The following CHD1 variants were observed in gnomAD, a reference collection of about 807,000 sequenced individuals.
The protein encoded by CHD1 is ATP-dependent chromatin remodeler CHD1.
In CHD1, 36 loss-of-function variants were observed where a neutral mutation model predicts 224.2. That is an observed-to-expected ratio of 0.16 (90% CI 0.12 to 0.21). The LOEUF is 0.21. Among genes scored for constraint, CHD1 ranks in the 10% least tolerant of loss-of-function variants. The pLI is 1.00. For synonymous variants in CHD1, 668 were observed against 658.3 expected (o/e 1.01, Z -0.23); for missense variants, 1,378 against 1,994.8 (o/e 0.69, Z 5.89).
At position 98,870,816 on chromosome 5, in the gene CHD1, T is replaced by A; in HGVS notation, c.3862-13A>T. ...CATCTGGAAGAATCTGAAAAAGCAA[T>A]AAATTTTTTCAGATTGTCTTAATAA... On this transcript the variant is annotated splice_polypyrimidine_tract_variant and intron_variant, in intron 28 of 35. Coordinates refer to ENST00000614616, the MANE Select transcript of CHD1 (RefSeq NM_001270.4). The A allele has an allele frequency of 1.3e-6, 2 of 1,558,370 alleles. No individual in the cohort carries two copies. Among genetic ancestry groups the A allele is most frequent in the Non-Finnish European group, 1.8e-6 (2 of 1,134,492 alleles).
At chr5:98,871,263 C>T (rs1252802359) in intron 28 of CHD1, among the ~76,000 whole-genome samples, 1 of 146,782 alleles carries the variant, frequency 6.8e-6, no homozygotes, top group Non-Finnish European at 1.5e-5. Context: ...ATCTAGACTA[C>T]TTAATTTTTT....
chr5:98,901,780 A>G (rs2112529370), intron 5 of CHD1, among the ~76,000 whole-genome samples: 1 of 151,862 alleles, frequency 6.6e-6, no homozygotes, highest in African/African-American at 2.4e-5. Flanking sequence ...CAGTAGTACC[A>G]TCTCAAATAT....
At chr5:98,917,300 A>C (rs10700482) in intron 2 of CHD1, among the ~76,000 whole-genome samples, 33 of 36,222 alleles carry the variant, frequency 9.1e-4, no homozygotes, top group African/African-American at 3.2e-3. Context: ...ACAAAGAAAC[A>C]AAAAAAAAAA....
At chr5:98,923,323 T>A (rs1753228250) in intron 2 of CHD1, among the ~76,000 whole-genome samples, 1 of 152,142 alleles carries the variant, frequency 6.6e-6, no homozygotes, top group Non-Finnish European at 1.5e-5. Flanking sequence ...ATAGCAGAAT[T>A]AACAACTCCG....
intron 10 of CHD1, 83 bp from the exon 11 acceptor site, chr5:98,897,403 A>T (rs1751414160): frequency 2.0e-6 from 2 of 980,854 alleles, no homozygotes; most frequent in Non-Finnish European, 3.0e-6. Context: ...GCTTTACCAT[A>T]AATTCTTAAA....
intron 21 of CHD1, 26 bp downstream of exon 21, chr5:98,881,250 GCCT>G: frequency 1.9e-6 from 2 of 1,056,730 alleles, no homozygotes; most frequent in Non-Finnish European, 2.7e-6. Context: ...TCTGAGGCAG[GCCT>G]TTTTTTTTTT....
intron 2 of CHD1, among the ~76,000 whole-genome samples, chr5:98,907,218 G>C (rs1198114422): frequency 2.6e-5 from 4 of 152,218 alleles, no homozygotes; most frequent in African/African-American, 9.6e-5. Context: ...TTTATTGTTA[G>C]AATGTCTTTA....
chr5:98,885,032 T>C (rs992711648), intron 18 of CHD1, among the ~76,000 whole-genome samples: 2 of 152,080 alleles, frequency 1.3e-5, no homozygotes, highest in African/African-American at 2.4e-5. Flanking sequence ...GTGCCCAATC[T>C]GGCTAATTTA....
At position 98,908,336 on chromosome 5, in the gene CHD1, A is replaced by C. The variant is rs535928716; in HGVS notation, c.54-3238T>G. 7.9e-5 allele frequency among the ~76,000 whole-genome samples: 12 copies of C among 152,258 alleles called. No individual in the cohort carries two copies. In the East Asian group the frequency reaches 2.3e-3, roughly 29 times the overall value. On this transcript the variant is annotated intron_variant, in intron 2 of 35. Transcript: ENST00000614616. ...CCAACTCTATCCCAACCCAACGTTAAATCAGGTTTACTTCCACAGCACTCC... is the reference window on the plus strand; with the variant it reads ...CCAACTCTATCCCAACCCAACGTTACATCAGGTTTACTTCCACAGCACTCC...
chr5:98,905,165 C>T, intron 2 of CHD1, 67 bp from the exon 3 acceptor site: 1 of 1,579,300 alleles, frequency 6.3e-7, no homozygotes, highest in Non-Finnish European at 8.6e-7. Flanking sequence ...TAGACGTCAG[C>T]AGAAAGCCCC....
intron 31 of CHD1, among the ~76,000 whole-genome samples, chr5:98,866,643 T>C (rs961040932): frequency 2.0e-5 from 3 of 152,080 alleles, no homozygotes; most frequent in Non-Finnish European, 2.9e-5. Flanking sequence ...CTGCTCCAAC[T>C]AGTATAAAAG....
chr5:98,860,331 C>T, intron 32 of CHD1: 1 of 378,754 alleles, frequency 2.6e-6, no homozygotes, highest in South Asian at 2.3e-5. Context: ...GCAGTACAAT[C>T]CTAATTTGAA....
rs558672928 is a variant in CHD1 at position 98,884,252 on chromosome 5, T to C, written c.2569-1015A>G. On this transcript the variant is annotated intron_variant, in intron 18 of 35. Transcript: ENST00000614616. The stretch of plus-strand genomic sequence containing the variant: ...CTACGCCCAGCTAATTTTTTTGTAT[T>C]TTTAGTAGAGATGGGGTTTCACTGT... 2.6e-4 allele frequency among the ~76,000 whole-genome samples: 40 copies of C among 151,818 alleles called. 1 individual carries two copies. Among genetic ancestry groups the C allele is most frequent in the Non-Finnish European group, 1.0e-4 (7 of 67,960 alleles).
chr5:98,887,565 T>C (rs1750732326), intron 17 of CHD1, among the ~76,000 whole-genome samples: 1 of 152,182 alleles, frequency 6.6e-6, no homozygotes, highest in Admixed American at 6.5e-5. Context: ...ATATTAGCTT[T>C]AGTTATATTG....
chr5:98,887,928 C>T (rs1408542226), intron 17 of CHD1, among the ~76,000 whole-genome samples, 160 bp downstream of exon 17: 1 of 151,628 alleles, frequency 6.6e-6, no homozygotes, highest in South Asian at 2.1e-4. Context: ...CAAGAAAAAC[C>T]GGGAATGACA....
rs981352210 is a variant in CHD1 at position 98,872,441 on chromosome 5, G to A, written c.3686C>T (p.Pro1229Leu). The change falls in exon 27 of 36, where the codon CCT becomes CTT. Residue 1229 changes from proline to leucine, a missense_variant. Around this residue, in one of 16 missense-constraint regions of CHD1, gnomAD observed 286 missense variants for 445.1 expected, o/e 0.64. Transcript: ENST00000614616. ...EELIPLHKSIPSDPEERKQYT... is the reference protein window; with the variant it reads ...EELIPLHKSILSDPEERKQYT... ...CTGCTTTCTTTCTTCTGGATCAGAA[G>A]GAATGGATTTGTGCAAAGGTATTAA... is the stretch of plus-strand genomic sequence containing the variant. 6.2e-7 allele frequency: 1 copy of A among 1,612,216 alleles called. No homozygotes were observed. The highest frequency in any genetic ancestry group is 1.3e-5 in the African/African-American group (1 of 74,772).
At chr5:98,874,716 G>GAA (rs796803169) in intron 25 of CHD1, among the ~76,000 whole-genome samples, 1 of 124,974 alleles carries the variant, frequency 8.0e-6, no homozygotes, top group Non-Finnish European at 1.7e-5. Context: ...CATTTAAAAA[G>GAA]AAAAAAAAAA....
Position 98,868,628 on chromosome 5 carries a change from T to C in CHD1, c.4115A>G (p.Glu1372Gly). Reference sequence around the variant, plus strand: ...TCTTTCCCTACCATCAGACTTGGATTCACTCAACTAAAGAAAAAGTGAAAA... The same window carrying C: ...TCTTTCCCTACCATCAGACTTGGATCCACTCAACTAAAGAAAAAGTGAAAA... ...KSDEDDDKLS[E>G]SKSDGRERSK... Residue 1372 changes from glutamate (E) to glycine (G), a missense_variant, in exon 31 of 36, where the codon GAA becomes GGA. By Grantham distance (98) the Glu-to-Gly change is moderately conservative. Transcript: ENST00000614616. 1 of 1,571,336 alleles carries C rather than the reference T, an allele frequency of 6.4e-7. No individual in the cohort carries two copies. The highest frequency in any genetic ancestry group is 1.2e-5 in the South Asian group (1 of 83,878).
Position 98,897,393 on chromosome 5 carries a change from G to A in CHD1, c.1366-73C>T. ...ATTATACTAAAAGATGAAAGCCTCA[G>A]CTTTACCATAAATTCTTAAATTTCA... On this transcript the variant is annotated intron_variant, in intron 10 of 35. Coordinates refer to ENST00000614616, the MANE Select transcript of CHD1 (RefSeq NM_001270.4). 4.6e-6 allele frequency: 5 copies of A among 1,082,450 alleles called. No individual in the cohort carries two copies. In the South Asian group the frequency reaches 4.8e-5, roughly 10 times the overall value. 67.1% of individuals were successfully genotyped at this position (1,082,450 alleles called of 1,614,324 possible).
Sources: gnomAD v4.1 joint callset for allele counts (sites outside exome capture counted in the v4.1 genomes callset) on GRCh38, gnomAD v4.1.1 for gene constraint, gnomAD v4.1.1 regional missense constraint, MANE v1.5 for transcripts, NCBI Gene and HGNC (gene_info 2026-07-23, HGNC 2026-07-21) for gene names.